Variants in TRPC4 observed in about 807,000 individuals in gnomAD.
TRPC4 encodes transient receptor potential cation channel subfamily C member 4.
A neutral mutation model predicts 99.4 loss-of-function variants in TRPC4; 49 were observed. The ratio of observed to expected loss-of-function variants is 0.49; its 90% CI spans 0.39 to 0.63. The LOEUF (loss-of-function observed/expected upper bound fraction) is 0.63. TRPC4 is among the 20% of genes least tolerant of loss of function. The probability of loss-of-function intolerance (pLI) is 0.00; values close to 1 mark genes in which losing one functional copy is unlikely to be tolerated. For synonymous variants in TRPC4, 454 were observed against 425.9 expected (o/e 1.07, Z -0.81); for missense variants, 898 against 1,152.9 (o/e 0.78, Z 3.20).
chr13:37,730,249 G>A (rs1223548924), intron 3 of TRPC4, among the ~76,000 whole-genome samples: 1 of 151,740 alleles, frequency 6.6e-6, no homozygotes, highest in African/African-American at 2.4e-5. Context: ...GGGATGGGGA[G>A]GTTGTTTATT....
At chr13:37,695,790 C>A (rs1466339255) in intron 3 of TRPC4, among the ~76,000 whole-genome samples, 1 of 152,088 alleles carries the variant, frequency 6.6e-6, no homozygotes, top group Middle Eastern at 3.2e-3. Context: ...ACTATGAAAA[C>A]TATTGAATCT....
chr13:37,832,991 T>C (rs1269470156), intron 1 of TRPC4, among the ~76,000 whole-genome samples: 3 of 152,204 alleles, frequency 2.0e-5, no homozygotes, highest in African/African-American at 4.8e-5. Context: ...CTGCTTCTTA[T>C]AATTTCTCTC....
intron 6 of TRPC4, among the ~76,000 whole-genome samples, chr13:37,659,327 T>C (rs1952353607): frequency 6.6e-6 from 1 of 152,264 alleles, no homozygotes; most frequent in Non-Finnish European, 1.5e-5. Flanking sequence ...TCTTTCCCCC[T>C]GTGATGCCTG....
chr13:37,662,137 C>T (rs1179861185), intron 6 of TRPC4, among the ~76,000 whole-genome samples: 1 of 151,944 alleles, frequency 6.6e-6, no homozygotes, highest in African/African-American at 2.4e-5. Context: ...TGTTGAAACC[C>T]TATCTCTACT....
Position 37,791,398 on chromosome 13 carries a change from T to TTA in TRPC4, c.-27-8039_-27-8038insTA, listed in dbSNP as rs1555272608. Among the ~76,000 whole-genome samples, 372 of 114,726 alleles carry TTA rather than the reference T, an allele frequency of 3.2e-3. 2 individuals carry two copies. Among genetic ancestry groups the TTA allele is most frequent in the African/African-American group, 0.013 (362 of 27,406 alleles). The allele number at this position is 114,726 out of a possible 152,430, so 75.3% of individuals were successfully genotyped here. A position where few individuals can be genotyped will look rare whatever the true frequency, so the allele number is the denominator to read the frequency against. The stretch of plus-strand genomic sequence containing the variant: ...GCAACACAGCAAGACTCTGTCTCAA[T>TTA]AAAAAAAAAAAAAAAAAAAAGGATA... On this transcript the variant is annotated intron_variant, in intron 1 of 10. Transcript: ENST00000379705.
Position 37,866,854 on chromosome 13 carries a change from G to T in TRPC4, c.-28+2741C>A, listed in dbSNP as rs202108139. ...TTAATGTTTATTTTTTGTGGGGGGG[G>T]GCGGGTATAGGGTATAAATTAGGTG... On this transcript the variant is annotated intron_variant, in intron 1 of 10. Transcript: ENST00000379705. Among the ~76,000 whole-genome samples the T allele has an allele frequency of 5.4e-5, 6 of 111,860 alleles. 1 individual carries two copies. Among genetic ancestry groups the T allele is most frequent in the African/African-American group, 2.2e-4 (6 of 27,590 alleles). 73.4% of individuals were successfully genotyped at this position (111,860 alleles called of 152,430 possible).
At chr13:37,834,342 A>AT (rs892447062) in intron 1 of TRPC4, among the ~76,000 whole-genome samples, 17 of 152,180 alleles carry the variant, frequency 1.1e-4, no homozygotes, top group Non-Finnish European at 1.5e-5. Context: ...CTTTCAATTG[A>AT]TTTTGACTAT....
chr13:37,820,902 T>G (rs1313821738), intron 1 of TRPC4, among the ~76,000 whole-genome samples: 1 of 151,946 alleles, frequency 6.6e-6, no homozygotes, highest in African/African-American at 2.4e-5. Flanking sequence ...CTCTCACCAC[T>G]CCTACTGAAG....
chr13:37,670,243 T>C (rs1040875632), intron 5 of TRPC4, among the ~76,000 whole-genome samples: 1 of 152,202 alleles, frequency 6.6e-6, no homozygotes, highest in African/African-American at 2.4e-5. Flanking sequence ...CCGAGGTGAC[T>C]AATACAATGG....
intron 3 of TRPC4, among the ~76,000 whole-genome samples, chr13:37,709,764 G>A (rs1434990608): frequency 6.6e-6 from 1 of 151,872 alleles, no homozygotes; most frequent in East Asian, 1.9e-4. Context: ...ATTTATCTCT[G>A]CAAACTCGCA....
At chr13:37,847,801 T>C (rs1259747549) in intron 1 of TRPC4, among the ~76,000 whole-genome samples, 1 of 151,964 alleles carries the variant, frequency 6.6e-6, no homozygotes, top group East Asian at 1.9e-4. Context: ...CCTTATGAAG[T>C]CCACAAATAT....
chr13:37,657,401 G>A (rs1952274757), intron 6 of TRPC4, among the ~76,000 whole-genome samples: 1 of 152,208 alleles, frequency 6.6e-6, no homozygotes, highest in Admixed American at 6.5e-5. Context: ...TCAGGAAAAA[G>A]TAAATTTGGC....
At chr13:37,818,352 G>A (rs1038358617) in intron 1 of TRPC4, among the ~76,000 whole-genome samples, 1 of 152,080 alleles carries the variant, frequency 6.6e-6, no homozygotes, top group African/African-American at 2.4e-5. Context: ...CACTGTTGGT[G>A]GGAGTGTAAA....
At chr13:37,706,425 G>A (rs1347200216) in intron 3 of TRPC4, among the ~76,000 whole-genome samples, 1 of 152,122 alleles carries the variant, frequency 6.6e-6, no homozygotes. Flanking sequence ...TTGCTTGAGG[G>A]TAGGGTAAGA....
At chr13:37,691,864 A>T in intron 4 of TRPC4, 135 bp downstream of exon 4, 1 of 836,278 alleles carries the variant, frequency 1.2e-6, no homozygotes, top group Non-Finnish European at 1.8e-6. Context: ...TTTGGGGGTG[A>T]GGTTCTTGGA....
At chr13:37,769,567 G>A (rs567648873) in intron 2 of TRPC4, among the ~76,000 whole-genome samples, 3 of 151,280 alleles carry the variant, frequency 2.0e-5, no homozygotes, top group Admixed American at 1.3e-4. Context: ...TTCAAACTTT[G>A]CTGTCTTATA....
chr13:37,863,882 C>T (rs1490846109), intron 1 of TRPC4, among the ~76,000 whole-genome samples: 1 of 151,550 alleles, frequency 6.6e-6, no homozygotes, highest in Non-Finnish European at 1.5e-5. Context: ...CTCATCTATT[C>T]AAAAAGCACA....
intron 3 of TRPC4, among the ~76,000 whole-genome samples, chr13:37,715,885 G>A (rs558376905): frequency 2.6e-4 from 39 of 152,202 alleles, no homozygotes; most frequent in African/African-American, 9.1e-4. Flanking sequence ...TGAATTGCTT[G>A]CTAGGAATTA....
intron 1 of TRPC4, among the ~76,000 whole-genome samples, chr13:37,850,126 TAGTGAAAAC>T (rs1261372493): frequency 6.6e-6 from 1 of 152,210 alleles, no homozygotes; most frequent in South Asian, 2.1e-4. Flanking sequence ...TAGGCAATTT[TAGTGAAAAC>T]AGTGAAAACT....
Sources: gnomAD v4.1 joint callset for allele counts (sites outside exome capture counted in the v4.1 genomes callset) on GRCh38, gnomAD v4.1.1 for gene constraint, MANE v1.5 for transcripts, NCBI Gene and HGNC (gene_info 2026-07-23, HGNC 2026-07-21) for gene names.